PCNX1: variants seen among roughly 807,000 people sequenced by gnomAD.
The protein encoded by PCNX1 is pecanex 1, also known as pecanex-like protein 1.
Under a neutral mutation model 242.2 loss-of-function variants are expected in PCNX1, and 78 were observed. The ratio of observed to expected loss-of-function variants is 0.32; its 90% CI spans 0.27 to 0.39. The LOEUF is 0.39. PCNX1 is among the 10% of genes least tolerant of loss of function. The pLI is 1.00. For synonymous variants in PCNX1, 1,024 were observed against 1,032.9 expected, an observed-to-expected ratio of 0.99 and a Z score of 0.17; for missense variants, 2,581 against 2,856.5, an observed-to-expected ratio of 0.90 and a Z score of 2.20.
Position 71,013,184 on chromosome 14 carries a change from T to C in PCNX1, c.2978T>C (p.Leu993Pro). The change falls in exon 11 of 36, where the codon CTT becomes CCT. Residue 993 changes from leucine to proline, a missense_variant. By Grantham distance (98) the Leu-to-Pro change is moderately conservative. Around this residue, in one of 9 missense-constraint regions of PCNX1, gnomAD observed 3 missense variants for 16.3 expected, o/e 0.18. Transcript: ENST00000304743. The part of the protein sequence containing the change: ...WIGINFDRLT[L>P]LALFDRNREI... ...GGCATTAACTTTGACAGACTCACAC[T>C]TTTGGCCCTGTTTGATAGGTGAGAT... 1.2e-6 allele frequency: 2 copies of C among 1,613,448 alleles called. No homozygotes were observed. The highest frequency in any genetic ancestry group is 1.7e-6 in the Non-Finnish European group (2 of 1,179,352).
chr14:70,970,137 A>G (rs1409010428), intron 5 of PCNX1: 1 of 152,092 alleles, frequency 6.6e-6, no homozygotes, highest in African/African-American at 2.4e-5. Flanking sequence ...AGGCAGGAGG[A>G]TCGCTTGAGT....
chr14:71,063,455 T>A (rs1295893734), intron 26 of PCNX1, among the ~76,000 whole-genome samples: 1 of 152,162 alleles, frequency 6.6e-6, no homozygotes, highest in African/African-American at 2.4e-5. Context: ...TAATAAGTAT[T>A]TTGTTAGTTT....
At chr14:71,008,448 A>G (rs961207502) in intron 8 of PCNX1, among the ~76,000 whole-genome samples, 10 of 151,932 alleles carry the variant, frequency 6.6e-5, no homozygotes, top group Non-Finnish European at 1.2e-4. Flanking sequence ...TGAGGTCAGG[A>G]GATCAAGACC....
Position 71,110,989 on chromosome 14 carries a change from A to C in PCNX1, c.*1054A>C, listed in dbSNP as rs944166758. On this transcript the variant is annotated 3_prime_UTR_variant, in exon 36 of 36. Coordinates refer to ENST00000304743, the MANE Select transcript of PCNX1 (RefSeq NM_014982.3). ...CACATGCAGTTCAGTTAGTCAAGTA[A>C]AATTTTTTTTCAAATAAAAGTATCC... 2 of 152,606 alleles carry C rather than the reference A, an allele frequency of 1.3e-5. No individual in the cohort carries two copies. The highest frequency in any genetic ancestry group is 6.6e-5 in the Admixed American group (1 of 15,254). The allele number at this position is 152,606 out of a possible 1,614,324, so 9.5% of individuals were successfully genotyped here.
intron 13 of PCNX1, among the ~76,000 whole-genome samples, 160 bp downstream of exon 13, chr14:71,023,392 A>C (rs1319449586): frequency 4.6e-5 from 7 of 152,102 alleles, no homozygotes; most frequent in Non-Finnish European, 1.0e-4. Flanking sequence ...ACTACTAGAA[A>C]TATAGGTGTT....
intron 8 of PCNX1, among the ~76,000 whole-genome samples, chr14:71,005,142 TTTG>T (rs2059616968): frequency 6.6e-6 from 1 of 152,178 alleles, no homozygotes; most frequent in Admixed American, 6.5e-5. Context: ...CTATGGATGA[TTTG>T]TTGTTCTAGT....
At chr14:70,962,164 A>G (rs980419697) in intron 2 of PCNX1, 62 bp from the exon 3 acceptor site, 48 of 1,000,464 alleles carry the variant, frequency 4.8e-5, no homozygotes, top group South Asian at 2.3e-4. Context: ...AAAATTAACA[A>G]AGGAAAAGCA....
In PCNX1 at chr14:71,071,385, G is replaced by A. The variant is rs12385922; in HGVS notation, c.4853-2160G>A. On this transcript the variant is annotated intron_variant, in intron 26 of 35. Coordinates refer to ENST00000304743, the MANE Select transcript of PCNX1 (RefSeq NM_014982.3). ...AACTTTTGGCCCATCCTGGTGATAC[G>A]GTTTGGATTTGTGTCCCTGCCCAAA... is the stretch of plus-strand genomic sequence containing the variant. Among the ~76,000 whole-genome samples, 1,461 of 152,220 alleles carry A rather than the reference G, an allele frequency of 9.6e-3. 12 individuals carry two copies. Among genetic ancestry groups the A allele is most frequent in the East Asian group, 0.033 (169 of 5,182 alleles).
chr14:71,048,969 A>G (rs2060945944), intron 22 of PCNX1: 1 of 782,792 alleles, frequency 1.3e-6, no homozygotes, highest in African/African-American at 1.9e-5. Flanking sequence ...TTGTATTTTT[A>G]TCATTTATTT....
intron 1 of PCNX1, among the ~76,000 whole-genome samples, chr14:70,912,369 G>T (rs925801314): frequency 1.3e-5 from 2 of 152,134 alleles, no homozygotes; most frequent in Non-Finnish European, 2.9e-5. Context: ...GGTAGATCTG[G>T]AGTGTGGCCT....
chr14:71,041,662 G>A (rs951893865), intron 19 of PCNX1, among the ~76,000 whole-genome samples: 4 of 151,624 alleles, frequency 2.6e-5, no homozygotes, highest in Non-Finnish European at 5.9e-5. Context: ...TTGATCTTTT[G>A]TATTGTTTGT....
chr14:71,024,571 G>A (rs1033856795), intron 13 of PCNX1, among the ~76,000 whole-genome samples: 13 of 151,898 alleles, frequency 8.6e-5, no homozygotes, highest in African/African-American at 2.4e-4. Flanking sequence ...TGATAAGGCC[G>A]TGCTTTTTAA....
intron 1 of PCNX1, among the ~76,000 whole-genome samples, chr14:70,912,007 C>T (rs1439621983): frequency 1.3e-5 from 2 of 152,020 alleles, no homozygotes; most frequent in African/African-American, 4.8e-5. Context: ...CCGAGGCAGG[C>T]AGATCATCAC....
At chr14:70,979,088 T>C (rs1283388599) in intron 6 of PCNX1, among the ~76,000 whole-genome samples, 1 of 152,196 alleles carries the variant, frequency 6.6e-6, no homozygotes, top group Non-Finnish European at 1.5e-5. Context: ...TATAAGAGTT[T>C]TACAAATATT....
At chr14:71,103,363 T>G (rs773712154) in intron 31 of PCNX1, 32 bp from the exon 32 acceptor site, 1 of 1,607,604 alleles carries the variant, frequency 6.2e-7, no homozygotes, top group East Asian at 2.2e-5. Flanking sequence ...TCTTGGCCCC[T>G]TAACCTAATT....
intron 8 of PCNX1, among the ~76,000 whole-genome samples, chr14:71,005,535 C>T (rs1021142271): frequency 6.6e-6 from 1 of 151,346 alleles, no homozygotes; most frequent in African/African-American, 2.4e-5. Context: ...GTGGGGAATG[C>T]AATTGGAGTT....
chr14:70,933,205 T>C (rs1206648223), intron 1 of PCNX1, among the ~76,000 whole-genome samples: 5 of 152,234 alleles, frequency 3.3e-5, no homozygotes, highest in Non-Finnish European at 5.9e-5. Context: ...GGCCTATGTT[T>C]ACTAGCAGCT....
At chr14:70,975,949 T>C (rs937649305) in intron 5 of PCNX1, among the ~76,000 whole-genome samples, 2 of 152,094 alleles carry the variant, frequency 1.3e-5, no homozygotes, top group Admixed American at 1.3e-4. Context: ...AATGCAGTAT[T>C]TTGCTCTGTA....
At chr14:70,949,678 C>G (rs975803932) in intron 2 of PCNX1, among the ~76,000 whole-genome samples, 5 of 152,166 alleles carry the variant, frequency 3.3e-5, no homozygotes, top group African/African-American at 1.2e-4. Flanking sequence ...GCTTTCCTTT[C>G]CCATCCCAGC....
Sources: gnomAD v4.1 joint callset for allele counts (sites outside exome capture counted in the v4.1 genomes callset) on GRCh38, gnomAD v4.1.1 for gene constraint, gnomAD v4.1.1 regional missense constraint, MANE v1.5 for transcripts, NCBI Gene and HGNC (gene_info 2026-07-23, HGNC 2026-07-21) for gene names.